The following TPST2 variants were observed in gnomAD, a reference collection of about 807,000 sequenced individuals.
TPST2 encodes tyrosylprotein sulfotransferase 2, also known as protein-tyrosine sulfotransferase 2.
TPST2 carries 16 observed loss-of-function variants against 27.8 expected under a neutral mutation model. The observed-to-expected ratio is 0.58, with a 90% CI of 0.39 to 0.88. The LOEUF (loss-of-function observed/expected upper bound fraction) is 0.88. Ranked by LOEUF, TPST2 falls within the 40% of genes least tolerant of loss-of-function variation. The pLI, the probability that TPST2 is intolerant of heterozygous loss-of-function variation, is 0.00. For synonymous variants in TPST2, 229 were observed against 231.7 expected, an observed-to-expected ratio of 0.99 and a Z score of 0.10; for missense variants, 464 against 543.1, an observed-to-expected ratio of 0.85 and a Z score of 1.45.
intron 1 of TPST2, among the ~76,000 whole-genome samples, chr22:26,546,086 A>G (rs1926107143): frequency 6.6e-6 from 1 of 151,938 alleles, no homozygotes; most frequent in African/African-American, 2.4e-5. Context: ...CAAAAAAAAA[A>G]AAAAAGAAAA....
rs1442052563 is a variant in TPST2, at chr22:26,537,573, C to A, written c.843-1087G>T. On this transcript the variant is annotated intron_variant, in intron 3 of 6. Transcript: ENST00000338754. ...GTTCAAACGATTCTCATGCCTCAGC[C>A]TCCCAAGTAGCTGGAACTACAGGCA... Among the ~76,000 whole-genome samples, 3 of 152,206 alleles carry A rather than the reference C, an allele frequency of 2.0e-5. No homozygotes were observed. The South Asian group carries it at 6.2e-4, about 32-fold the overall frequency.
At chr22:26,585,630 G>C (rs973636747) in intron 1 of TPST2, among the ~76,000 whole-genome samples, 1 of 152,140 alleles carries the variant, frequency 6.6e-6, no homozygotes, top group Non-Finnish European at 1.5e-5. Context: ...GTGCCACGTG[G>C]GGCATCAAAG....
At position 26,540,758 on chromosome 22, in the gene TPST2, T is replaced by G. The variant is rs145806494; in HGVS notation, c.842+31A>C. The G allele has an allele frequency of 3.5e-3, 5,377 of 1,533,104 alleles. 16 individuals are homozygous for G. The highest frequency in any genetic ancestry group is 4.2e-3 in the Non-Finnish European group (4,836 of 1,139,788). 95.0% of individuals were successfully genotyped at this position (1,533,104 alleles called of 1,614,324 possible). On this transcript the variant is annotated intron_variant, in intron 3 of 6. Transcript: ENST00000338754. ...GGCGCCTCTGACTCCAGGGCCAGAG[T>G]CTGAGTGGAAGCATCAGGGGCTCCA...
intron 1 of TPST2, among the ~76,000 whole-genome samples, chr22:26,556,814 T>C (rs1926825143): frequency 6.6e-6 from 1 of 152,194 alleles, no homozygotes; most frequent in East Asian, 1.9e-4. Context: ...TCCTTCCCAT[T>C]CCTGCCCGTT....
intron 1 of TPST2, among the ~76,000 whole-genome samples, chr22:26,585,915 T>C (rs5761614): frequency 0.61 from 92,550 of 151,852 alleles, 28,725 homozygotes; most frequent in East Asian, 0.92. Flanking sequence ...GTCAGGCATA[T>C]GCCTGTAGTT....
rs147606606 is a variant in TPST2, at chr22:26,578,965, C to T, written c.-161+11088G>A. On this transcript the variant is annotated intron_variant, in intron 1 of 6. Coordinates refer to ENST00000338754, the MANE Select transcript of TPST2 (RefSeq NM_003595.5). ...CTCCCAGGCTCAAGCAATCCTCCCA[C>T]CTCAGCCTCCAAAGTAGCTGGGAAT... Among the ~76,000 whole-genome samples, 1,298 of 152,002 alleles carry T rather than the reference C, an allele frequency of 8.5e-3. 16 individuals are homozygous for T. Among genetic ancestry groups the T allele is most frequent in the Middle Eastern group, 0.044 (13 of 294 alleles).
At chr22:26,543,989 C>A (rs765801946) in intron 2 of TPST2, among the ~76,000 whole-genome samples, 9 of 152,146 alleles carry the variant, frequency 5.9e-5, no homozygotes, top group Non-Finnish European at 1.2e-4. Flanking sequence ...CCTCATCACC[C>A]TGCTGGACCC....
At chr22:26,563,109 C>G (rs1243310122) in intron 1 of TPST2, among the ~76,000 whole-genome samples, 1 of 152,170 alleles carries the variant, frequency 6.6e-6, no homozygotes, top group Admixed American at 6.5e-5. Context: ...CTGAAACTGA[C>G]TGGGTTCACT....
At chr22:26,555,654 A>G (rs1010752863) in intron 1 of TPST2, among the ~76,000 whole-genome samples, 1 of 152,262 alleles carries the variant, frequency 6.6e-6, no homozygotes, top group African/African-American at 2.4e-5. Context: ...CAGACAATCA[A>G]CCCAGTGGGA....
intron 1 of TPST2, among the ~76,000 whole-genome samples, chr22:26,583,839 TC>T (rs1378496877): frequency 1.3e-5 from 2 of 150,056 alleles, no homozygotes; most frequent in Non-Finnish European, 2.9e-5. Flanking sequence ...AGACTTCGTC[TC>T]AAAAAAAAAA....
chr22:26,548,697 T>A (rs1926271166), intron 1 of TPST2, among the ~76,000 whole-genome samples: 1 of 149,980 alleles, frequency 6.7e-6, no homozygotes, highest in South Asian at 2.1e-4. Flanking sequence ...GTGTGGTAGC[T>A]CATGCCTGTA....
At chr22:26,589,283 C>T (rs1390998584) in intron 1 of TPST2, among the ~76,000 whole-genome samples, 1 of 152,076 alleles carries the variant, frequency 6.6e-6, no homozygotes, top group Non-Finnish European at 1.5e-5. Context: ...GGGAACGGGC[C>T]TTTGAGTGGG....
At chr22:26,582,125 C>T (rs988520435) in intron 1 of TPST2, among the ~76,000 whole-genome samples, 11 of 152,172 alleles carry the variant, frequency 7.2e-5, no homozygotes, top group African/African-American at 2.7e-4. Context: ...CCCAAACCTG[C>T]TAATCAGAAT....
chr22:26,561,729 G>A (rs924434446), intron 1 of TPST2, among the ~76,000 whole-genome samples: 5 of 152,094 alleles, frequency 3.3e-5, no homozygotes, highest in Non-Finnish European at 7.4e-5. Flanking sequence ...AGCATCTCAC[G>A]GAGAGTCCTT....
intron 3 of TPST2, among the ~76,000 whole-genome samples, chr22:26,538,679 G>A (rs768392593): frequency 1.3e-5 from 2 of 152,156 alleles, no homozygotes; most frequent in Non-Finnish European, 2.9e-5. Context: ...AAAATTAGCA[G>A]AGCGTGGTGG....
intron 1 of TPST2, among the ~76,000 whole-genome samples, chr22:26,571,663 T>C (rs1292286144): frequency 6.6e-6 from 1 of 152,176 alleles, no homozygotes; most frequent in Non-Finnish European, 1.5e-5. Context: ...AATTCTCCAC[T>C]AGTCTGTCAC....
rs201277653 is a variant in TPST2 at position 26,536,438 on chromosome 22, C to T, written c.891G>A (p.Ala297=). The change falls in exon 4 of 7, where the codon GCG becomes GCA. Residue 297 remains alanine, a synonymous_variant. Coordinates refer to ENST00000338754, the MANE Select transcript of TPST2 (RefSeq NM_003595.5). ...DQVIKPVNLE[A]LSKWTGHIPG... The stretch of plus-strand genomic sequence containing the variant: ...GGATGTGGCCAGTCCACTTGGAGAG[C>T]GCTTCCAGGTTAACAGGCTTGATGA... 36 of 1,561,084 alleles carry T rather than the reference C, an allele frequency of 2.3e-5. No individual in the cohort carries two copies. The highest frequency in any genetic ancestry group is 3.6e-5 in the South Asian group (3 of 82,802).
intron 2 of TPST2, among the ~76,000 whole-genome samples, chr22:26,543,942 A>G (rs1925990824): frequency 6.6e-6 from 1 of 152,210 alleles, no homozygotes; most frequent in South Asian, 2.1e-4. Context: ...GGAAGGAGCT[A>G]GAGGGCCCAG....
intron 5 of TPST2, among the ~76,000 whole-genome samples, chr22:26,532,025 T>C (rs574081802): frequency 2.6e-5 from 4 of 152,330 alleles, no homozygotes; most frequent in East Asian, 1.9e-4. Flanking sequence ...TCTCAGCTTC[T>C]TGAGGGGCTG....
Sources: allele counts gnomAD v4.1 joint callset (sites outside exome capture counted in the v4.1 genomes callset), GRCh38; gene constraint gnomAD v4.1.1; transcripts MANE v1.5; gene names NCBI Gene and HGNC (gene_info 2026-07-23, HGNC 2026-07-21).